REPS1: variants seen among roughly 807,000 people sequenced by gnomAD.
REPS1 encodes the protein RALBP1 associated Eps domain containing 1.
REPS1 carries 39 observed loss-of-function variants against 100.9 expected under a neutral mutation model. The observed-to-expected ratio is 0.39, with a 90% CI of 0.30 to 0.50. The LOEUF (loss-of-function observed/expected upper bound fraction) is 0.50. Ranked by LOEUF, REPS1 falls within the 20% of genes least tolerant of loss-of-function variation. The pLI is 0.86. For synonymous variants in REPS1, 324 were observed against 340.3 expected (o/e 0.95, Z 0.53); for missense variants, 821 against 968.5 (o/e 0.85, Z 2.02).
At chr6:138,957,494 T>C (rs1783463946) in intron 1 of REPS1, among the ~76,000 whole-genome samples, 1 of 152,224 alleles carries the variant, frequency 6.6e-6, no homozygotes, top group East Asian at 1.9e-4. Flanking sequence ...TTTAAATGTT[T>C]ATCTCCTGTG....
chr6:138,920,806 C>T (rs1311221261), intron 11 of REPS1, among the ~76,000 whole-genome samples: 2 of 152,084 alleles, frequency 1.3e-5, no homozygotes, highest in African/African-American at 2.4e-5. Context: ...TAAAAACCCA[C>T]GGGGTATTAG....
At chr6:138,980,680 T>TG (rs1784895558) in intron 1 of REPS1, among the ~76,000 whole-genome samples, 1 of 974 alleles carries the variant, frequency 1.0e-3, no homozygotes, top group Non-Finnish European at 2.7e-3. Context: ...TTTTTGTGGG[T>TG]GGGGCGGGGG....
At chr6:138,935,399 G>T (rs929227699) in intron 8 of REPS1, among the ~76,000 whole-genome samples, 3 of 152,080 alleles carry the variant, frequency 2.0e-5, no homozygotes, top group African/African-American at 7.2e-5. Flanking sequence ...CAATATATAG[G>T]AGGTTCCTAT....
intron 1 of REPS1, among the ~76,000 whole-genome samples, chr6:138,967,251 A>G (rs1479787477): frequency 1.3e-5 from 2 of 152,234 alleles, no homozygotes; most frequent in East Asian, 3.8e-4. Flanking sequence ...TTTCATTACC[A>G]ATTACCCAGT....
At chr6:138,961,446 C>T (rs754491261) in intron 1 of REPS1, among the ~76,000 whole-genome samples, 22 of 152,046 alleles carry the variant, frequency 1.4e-4, no homozygotes, top group African/African-American at 3.1e-4. Context: ...AGGATGGTCT[C>T]GATCTCTTGA....
At position 138,911,272 on chromosome 6, in the gene REPS1, A is replaced by G; in HGVS notation, c.2067+4T>C. On this transcript the variant is annotated splice_donor_region_variant and intron_variant, in intron 17 of 19. Transcript: ENST00000450536. ...ATTATTATTATAAAAGACATTTTGC[A>G]TACCACATTGGCAGGAGCACTAGCA... 1 of 1,574,708 alleles carries G rather than the reference A, an allele frequency of 6.4e-7. No individual in the cohort carries two copies. Among genetic ancestry groups the G allele is most frequent in the East Asian group, 2.2e-5 (1 of 44,688 alleles).
chr6:138,921,065 C>T lies in REPS1; in HGVS notation c.1398G>A (p.Gln466=). The part of the protein sequence containing the change: ...IRMTPSKIHM[Q]EMELKRTGSD... ...TGCCAGTTCTTTTAAGTTCCATTTC[C>T]TGCATGTGGATTTTGCTTGGAGTCA... is the stretch of plus-strand genomic sequence containing the variant. Residue 466 remains glutamine (Q), a synonymous_variant, in exon 11 of 20, where the codon CAG becomes CAA. Coordinates refer to ENST00000450536, the MANE Select transcript of REPS1 (RefSeq NM_001286611.2). 6.2e-7 allele frequency: 1 copy of T among 1,612,960 alleles called. No homozygotes were observed. The highest frequency in any genetic ancestry group is 8.5e-7 in the Non-Finnish European group (1 of 1,179,408).
At chr6:138,918,432 A>G (rs1780549808) in intron 12 of REPS1, among the ~76,000 whole-genome samples, 1 of 152,212 alleles carries the variant, frequency 6.6e-6, no homozygotes, top group Non-Finnish European at 1.5e-5. Context: ...AAACATATTG[A>G]GGGATGACTG....
Position 138,987,554 on chromosome 6 carries a change from C to G in REPS1, c.129G>C (p.Gln43His), listed in dbSNP as rs1321037625. The change falls in exon 1 of 20, where the codon CAG (glutamine) becomes CAC (histidine). Residue 43 changes from glutamine to histidine, a missense_variant. By Grantham distance (24) the Gln-to-His change is conservative. Transcript: ENST00000450536. ...CCTGTAGGACCACGTCGTTCGGCAG[C>G]TGCGCGGCCCGGAACAGCTCCAGCA... ...GRVLELFRAA[Q>H]LPNDVVLQIM... 3 of 1,550,078 alleles carry G rather than the reference C, an allele frequency of 1.9e-6. No individual in the cohort carries two copies. The highest frequency in any genetic ancestry group is 2.5e-5 in the East Asian group (1 of 40,720).
rs1352981310 is a variant in REPS1, at chr6:138,912,751, C to T, written c.1971+14G>A. ...ACTGCCTGCAGAAAATTAGCCAAGC[C>T]CTCGAAAACTGACCGGCAGGACTTC... is the stretch of plus-strand genomic sequence containing the variant. On this transcript the variant is annotated intron_variant, in intron 16 of 19. Coordinates refer to ENST00000450536, the MANE Select transcript of REPS1 (RefSeq NM_001286611.2). 1 of 1,613,982 alleles carries T rather than the reference C, an allele frequency of 6.2e-7. No homozygotes were observed. Among genetic ancestry groups the T allele is most frequent in the African/African-American group, 1.3e-5 (1 of 75,000 alleles).
At position 138,920,961 on chromosome 6, in the gene REPS1, T is replaced by C. The variant is rs149737073; in HGVS notation, c.1426+76A>G. The C allele has an allele frequency of 4.2e-4, 446 of 1,061,134 alleles. 3 individuals carry two copies. The African/African-American group carries it at 6.5e-3, about 15-fold the overall frequency. 65.7% of individuals were successfully genotyped at this position (1,061,134 alleles called of 1,614,324 possible). ...CTTAAAAAATAAGCGATGAAAGAAA[T>C]TTGAACCTTGACAGAATAATTACAT... is the stretch of plus-strand genomic sequence containing the variant. On this transcript the variant is annotated intron_variant, in intron 11 of 19. Transcript: ENST00000450536.
At position 138,987,526 on chromosome 6, in the gene REPS1, T is replaced by C. The variant is rs1356828513; in HGVS notation, c.153+4A>G. ...CGCCCGCCGGCCCCGGGACGCGACG[T>C]TACCTGTAGGACCACGTCGTTCGGC... On this transcript the variant is annotated splice_donor_region_variant and intron_variant, in intron 1 of 19. Coordinates refer to ENST00000450536, the MANE Select transcript of REPS1 (RefSeq NM_001286611.2). 1 of 1,546,112 alleles carries C rather than the reference T, an allele frequency of 6.5e-7. No homozygotes were observed. The highest frequency in any genetic ancestry group is 2.0e-5 in the Admixed American group (1 of 50,524).
intron 1 of REPS1, among the ~76,000 whole-genome samples, chr6:138,964,046 C>T (rs1352797335): frequency 6.6e-6 from 1 of 152,138 alleles, no homozygotes; most frequent in Non-Finnish European, 1.5e-5. Context: ...AATAGCTCAT[C>T]TCACTTTCAC....
At chr6:138,980,560 A>G (rs1447701155) in intron 1 of REPS1, among the ~76,000 whole-genome samples, 5 of 151,260 alleles carry the variant, frequency 3.3e-5, no homozygotes, top group Non-Finnish European at 5.9e-5. Flanking sequence ...CCCCCCATCC[A>G]GGCATCCTCT....
intron 11 of REPS1, 63 bp downstream of exon 11, chr6:138,920,974 A>G: frequency 8.4e-7 from 1 of 1,187,162 alleles, no homozygotes; most frequent in African/African-American, 1.5e-5. Flanking sequence ...GAACCTTGAC[A>G]GAATAATTAC....
At chr6:138,964,072 A>G (rs777439505) in intron 1 of REPS1, among the ~76,000 whole-genome samples, 5 of 152,108 alleles carry the variant, frequency 3.3e-5, no homozygotes, top group African/African-American at 7.2e-5. Flanking sequence ...TTCTCATCTA[A>G]AACTTTTAAC....
chr6:138,987,416 C>G, intron 1 of REPS1, 114 bp downstream of exon 1: 1 of 1,139,540 alleles, frequency 8.8e-7, no homozygotes, highest in South Asian at 1.7e-5. Context: ...GCTGCGGGGA[C>G]CCCCCGAGGA....
At chr6:138,953,043 G>A (rs982245557) in intron 1 of REPS1, among the ~76,000 whole-genome samples, 4 of 151,762 alleles carry the variant, frequency 2.6e-5, no homozygotes, top group Non-Finnish European at 2.9e-5. Context: ...CTCCATGTTG[G>A]TCAGGCTGGT....
intron 19 of REPS1, among the ~76,000 whole-genome samples, chr6:138,907,096 T>C (rs1779700314): frequency 1.3e-5 from 2 of 152,168 alleles, no homozygotes; most frequent in African/African-American, 4.8e-5. Context: ...ACATGCAAGA[T>C]GACTGAAATT....
Sources: gnomAD v4.1 joint callset for allele counts (sites outside exome capture counted in the v4.1 genomes callset) on GRCh38, gnomAD v4.1.1 for gene constraint, MANE v1.5 for transcripts, NCBI Gene and HGNC (gene_info 2026-07-23, HGNC 2026-07-21) for gene names.